The following COL22A1 variants were observed in gnomAD, a reference collection of about 807,000 sequenced individuals.
COL22A1 encodes collagen type XXII alpha 1 chain, also known as collagen alpha-1(XXII) chain.
Under a neutral mutation model 248.9 loss-of-function variants are expected in COL22A1, and 221 were observed. The observed-to-expected ratio is 0.89, with a 90% confidence interval of 0.80 to 0.99. The LOEUF is 0.99. Ranked by LOEUF, COL22A1 falls within the 50% of genes least tolerant of loss-of-function variation. The pLI is 0.00. For synonymous variants in COL22A1, 891 were observed against 793.4 expected (o/e 1.12, Z -2.07); for missense variants, 2,240 against 2,179.0 (o/e 1.03, Z -0.56).
chr8:138,724,474 C>T, intron 25 of COL22A1, 141 bp downstream of exon 25: 2 of 756,358 alleles, frequency 2.6e-6, no homozygotes, highest in Admixed American at 2.2e-5. Flanking sequence ...CCCAGCTGAG[C>T]TCCGGGGCTG....
intron 3 of COL22A1, among the ~76,000 whole-genome samples, chr8:138,867,953 C>T (rs1389025744): frequency 6.6e-6 from 1 of 152,070 alleles, no homozygotes; most frequent in African/African-American, 2.4e-5. Context: ...TTAGTACAGA[C>T]AGGGTTTCAC....
chr8:138,663,196 A>G (rs1424051655), intron 42 of COL22A1, among the ~76,000 whole-genome samples: 1 of 152,252 alleles, frequency 6.6e-6, no homozygotes, highest in Non-Finnish European at 1.5e-5. Context: ...ATGCACGCAC[A>G]GGCATGTCAT....
chr8:138,868,087 A>T (rs983020022), intron 3 of COL22A1, among the ~76,000 whole-genome samples: 1 of 152,162 alleles, frequency 6.6e-6, no homozygotes, highest in African/African-American at 2.4e-5. Flanking sequence ...TACAGGGAAA[A>T]CTAAAGTTCG....
At chr8:138,668,797 T>C (rs1358547414) in intron 41 of COL22A1, among the ~76,000 whole-genome samples, 1 of 152,218 alleles carries the variant, frequency 6.6e-6, no homozygotes, top group African/African-American at 2.4e-5. Context: ...GGAAAATCTC[T>C]GTTGTAATGA....
intron 22 of COL22A1, among the ~76,000 whole-genome samples, chr8:138,740,224 T>C (rs557667734): frequency 6.6e-6 from 1 of 152,304 alleles, no homozygotes; most frequent in South Asian, 2.1e-4. Context: ...ACCTGGTGAA[T>C]AATCATCGGA....
chr8:138,686,638 G>C (rs60371891), intron 37 of COL22A1, among the ~76,000 whole-genome samples: 22,006 of 152,088 alleles, frequency 0.14, 1,994 homozygotes, highest in South Asian at 0.21. Context: ...TCCAAATCCC[G>C]GGCCCGGCCC....
At chr8:138,847,498 T>C (rs1259715363) in intron 3 of COL22A1, among the ~76,000 whole-genome samples, 1 of 152,202 alleles carries the variant, frequency 6.6e-6, no homozygotes, top group East Asian at 1.9e-4. Flanking sequence ...AGCTGTTTGG[T>C]CTAAGTCAAT....
chr8:138,781,432 C>CTG (rs1319198982), intron 12 of COL22A1, among the ~76,000 whole-genome samples: 6 of 152,206 alleles, frequency 3.9e-5, no homozygotes, highest in African/African-American at 1.4e-4. Context: ...GGCTGCATCC[C>CTG]TAGATGCCAG....
At chr8:138,862,386 C>T (rs1822550891) in intron 3 of COL22A1, among the ~76,000 whole-genome samples, 1 of 152,294 alleles carries the variant, frequency 6.6e-6, no homozygotes, top group Non-Finnish European at 1.5e-5. Context: ...TTTGTGTTTA[C>T]TCCAGAAGCT....
At chr8:138,843,497 G>A (rs1821028005) in intron 4 of COL22A1, among the ~76,000 whole-genome samples, 1 of 152,196 alleles carries the variant, frequency 6.6e-6, no homozygotes, top group African/African-American at 2.4e-5. Flanking sequence ...TTAAAGTGCT[G>A]AGCAGGGTGC....
intron 49 of COL22A1, among the ~76,000 whole-genome samples, chr8:138,634,650 A>C (rs1031633535): frequency 1.3e-5 from 2 of 152,114 alleles, no homozygotes; most frequent in Non-Finnish European, 2.9e-5. Context: ...TAACATGGGG[A>C]AAGCTGCTTA....
chr8:138,708,582 A>G (rs928569743), intron 30 of COL22A1, among the ~76,000 whole-genome samples: 2 of 152,248 alleles, frequency 1.3e-5, no homozygotes, highest in Non-Finnish European at 2.9e-5. Flanking sequence ...CTGGCTAGCC[A>G]TATGTAGAAA....
At chr8:138,728,401 A>G (rs1378242246) in intron 23 of COL22A1, among the ~76,000 whole-genome samples, 3 of 152,208 alleles carry the variant, frequency 2.0e-5, no homozygotes, top group Middle Eastern at 3.4e-3. Flanking sequence ...CTTCCCAAGC[A>G]TACAGGAGTC....
intron 12 of COL22A1, among the ~76,000 whole-genome samples, chr8:138,794,762 C>T (rs1816356774): frequency 6.6e-6 from 1 of 152,128 alleles, no homozygotes; most frequent in Admixed American, 6.6e-5. Context: ...TTTTTGACAA[C>T]ATGAATGAAT....
intron 10 of COL22A1, among the ~76,000 whole-genome samples, chr8:138,806,030 T>TGG (rs1485344726): frequency 0.082 from 441 of 5,380 alleles, no homozygotes; most frequent in Middle Eastern, 0.25. Context: ...TGGTGTGTGG[T>TGG]TGTGTGTGTG....
chr8:138,810,105 G>A (rs1818081586), intron 9 of COL22A1, among the ~76,000 whole-genome samples: 1 of 152,172 alleles, frequency 6.6e-6, no homozygotes, highest in African/African-American at 2.4e-5. Flanking sequence ...ACTATTGAAT[G>A]GATGGATGGA....
chr8:138,616,813 G>T (rs1819360200), intron 54 of COL22A1, 101 bp downstream of exon 54: 1 of 1,369,968 alleles, frequency 7.3e-7, no homozygotes, highest in Non-Finnish European at 1.0e-6. Context: ...TCCTCTCTCG[G>T]GTAAGGCACT....
intron 52 of COL22A1, among the ~76,000 whole-genome samples, chr8:138,623,256 ATATTTATGTG>A (rs1298347302): frequency 1.3e-4 from 11 of 84,334 alleles, no homozygotes; most frequent in Non-Finnish European, 2.3e-5. Context: ...ATATATATAT[ATATTTATGTG>A]TGTGTGTGTG....
intron 1 of COL22A1, among the ~76,000 whole-genome samples, chr8:138,891,640 A>C (rs1293164933): frequency 6.6e-6 from 1 of 152,154 alleles, no homozygotes; most frequent in East Asian, 1.9e-4. Flanking sequence ...TCTAGGAGTC[A>C]TGGGAAGGAT....
Sources: gnomAD v4.1 joint callset for allele counts (sites outside exome capture counted in the v4.1 genomes callset) on GRCh38, gnomAD v4.1.1 for gene constraint, MANE v1.5 for transcripts, NCBI Gene and HGNC (gene_info 2026-07-23, HGNC 2026-07-21) for gene names.